The following RCOR1 variants were observed in gnomAD, a reference collection of about 807,000 sequenced individuals.
RCOR1 encodes REST corepressor.
RCOR1 carries 12 observed loss-of-function variants against 64.0 expected under a neutral mutation model. The observed-to-expected ratio is 0.19, with a 90% confidence interval of 0.12 to 0.30. The LOEUF (loss-of-function observed/expected upper bound fraction) is 0.30, where lower values mean the gene tolerates loss of function less well. Ranked by LOEUF, RCOR1 falls within the 10% of genes least tolerant of loss-of-function variation. RCOR1 has a pLI of 1.00. For missense variants in RCOR1, 502 were observed against 621.2 expected (o/e 0.81, Z 2.04); for synonymous variants, 279 against 227.2 (o/e 1.23, Z -2.05).
rs539304435 is a variant in RCOR1 at position 102,598,471 on chromosome 14, G to A, written c.361+5146G>A. ...TCTTTTTTTTTTTTTTTTTTGAGAC[G>A]GTGTCTCGCTCTGTTGTCCAGGCTG... On this transcript the variant is annotated intron_variant, in intron 2 of 11. Transcript: ENST00000262241. Among the ~76,000 whole-genome samples the A allele has an allele frequency of 7.7e-4, 102 of 133,270 alleles. 1 individual carries two copies. Among genetic ancestry groups the A allele is most frequent in the African/African-American group, 1.9e-3 (66 of 35,554 alleles). The allele number at this position is 133,270 out of a possible 152,430, so 87.4% of individuals were successfully genotyped here. A position where few individuals can be genotyped will look rare whatever the true frequency, so the allele number is the denominator to read the frequency against.
Position 102,593,029 on chromosome 14 carries a change from G to GCGCCGCCGCCTCCTCAGCCTCGGC in RCOR1, c.156_179dup (p.Ser53_Ser60dup), listed in dbSNP as rs1316557262. ...TCGCCAGCCGCCACTGCCGCCTCGG[G>GCGCCGCCGCCTCCTCAGCCTCGGC]CGCCGCCGCCTCCTCAGCCTCGGCC... On this transcript the variant is annotated inframe_insertion, in exon 1 of 12. Transcript: ENST00000262241. 1.6e-5 allele frequency: 20 copies of GCGCCGCCGCCTCCTCAGCCTCGGC among 1,262,786 alleles called. No homozygotes were observed. Among genetic ancestry groups the GCGCCGCCGCCTCCTCAGCCTCGGC allele is most frequent in the East Asian group, 3.4e-5 (1 of 29,346 alleles). 78.2% of individuals were successfully genotyped at this position (1,262,786 alleles called of 1,614,324 possible).
intron 4 of RCOR1, among the ~76,000 whole-genome samples, chr14:102,704,958 C>T (rs941570327): frequency 3.3e-5 from 5 of 151,498 alleles, no homozygotes; most frequent in Admixed American, 3.3e-4. Context: ...CACCTCATCT[C>T]TAAAAAAAAG....
rs1470928073 is a variant in RCOR1 at position 102,722,936 on chromosome 14, C to G, written c.1419+520C>G. Among the ~76,000 whole-genome samples the G allele has an allele frequency of 2.0e-5, 3 of 152,190 alleles. No individual in the cohort carries two copies. In the East Asian group the frequency reaches 5.8e-4, roughly 29 times the overall value. ...GGCTTAAGTATTGATGGGGACAGTT[C>G]TGTGGCTGGCTGGAACTTCTGTGAT... On this transcript the variant is annotated intron_variant, in intron 11 of 11. Coordinates refer to ENST00000262241, the MANE Select transcript of RCOR1 (RefSeq NM_015156.4).
At chr14:102,622,635 C>T (rs901230922) in intron 2 of RCOR1, among the ~76,000 whole-genome samples, 1 of 151,928 alleles carries the variant, frequency 6.6e-6, no homozygotes, top group Non-Finnish European at 1.5e-5. Flanking sequence ...CTGTGATTTC[C>T]GCCCCCCGCC....
intron 2 of RCOR1, chr14:102,657,290 C>CTA: frequency 1.0e-6 from 1 of 985,218 alleles, no homozygotes; most frequent in Non-Finnish European, 1.2e-6. Flanking sequence ...TTGGTGAGTC[C>CTA]TTTTAGGCGA....
chr14:102,672,402 C>G (rs374016375), intron 2 of RCOR1, among the ~76,000 whole-genome samples: 1 of 151,824 alleles, frequency 6.6e-6, no homozygotes. Flanking sequence ...TTAGTAGAGA[C>G]GGGGTTTCAC....
intron 4 of RCOR1, among the ~76,000 whole-genome samples, chr14:102,704,305 C>T (rs1895806703): frequency 6.6e-6 from 1 of 152,240 alleles, no homozygotes; most frequent in South Asian, 2.1e-4. Context: ...ACAACGATTT[C>T]CTCCCTGATC....
intron 2 of RCOR1, among the ~76,000 whole-genome samples, chr14:102,644,129 G>C (rs990468035): frequency 6.6e-6 from 1 of 152,198 alleles, no homozygotes; most frequent in East Asian, 1.9e-4. Context: ...TGCTGAAGTG[G>C]CCTTGGCTGG....
chr14:102,703,609 C>T (rs918995420), intron 4 of RCOR1, among the ~76,000 whole-genome samples: 2 of 152,172 alleles, frequency 1.3e-5, no homozygotes, highest in Admixed American at 1.3e-4. Flanking sequence ...TGAGAAAATT[C>T]TTTCAAAAGT....
At chr14:102,635,396 C>T (rs188597548) in intron 2 of RCOR1, among the ~76,000 whole-genome samples, 32 of 152,048 alleles carry the variant, frequency 2.1e-4, no homozygotes, top group Middle Eastern at 3.4e-3. Context: ...CCCAGCTACT[C>T]GGGAGGCTGA....
chr14:102,670,459 C>T (rs1000198962), intron 2 of RCOR1, among the ~76,000 whole-genome samples: 3 of 151,888 alleles, frequency 2.0e-5, no homozygotes, highest in Admixed American at 6.6e-5. Flanking sequence ...ATGAAGGTAA[C>T]GGTACTATGA....
intron 8 of RCOR1, among the ~76,000 whole-genome samples, chr14:102,717,289 C>A (rs1595244493): frequency 6.6e-6 from 1 of 152,166 alleles, no homozygotes; most frequent in Non-Finnish European, 1.5e-5. Flanking sequence ...TTTGATTTAT[C>A]TTGATGGTTC....
chr14:102,669,374 C>G (rs1172007359), intron 2 of RCOR1, among the ~76,000 whole-genome samples: 1 of 151,952 alleles, frequency 6.6e-6, no homozygotes, highest in Non-Finnish European at 1.5e-5. Flanking sequence ...TTCTGACTTC[C>G]TCATTTTATA....
intron 3 of RCOR1, among the ~76,000 whole-genome samples, chr14:102,684,890 A>G (rs1446064001): frequency 6.6e-6 from 1 of 152,180 alleles, no homozygotes; most frequent in Non-Finnish European, 1.5e-5. Flanking sequence ...ATATGTCAGT[A>G]TGTTTAACAA....
chr14:102,666,652 T>C (rs965588878), intron 2 of RCOR1, among the ~76,000 whole-genome samples: 9 of 152,336 alleles, frequency 5.9e-5, no homozygotes, highest in African/African-American at 2.2e-4. Context: ...GTTTTAGTTT[T>C]AAGAAGTACT....
intron 2 of RCOR1, among the ~76,000 whole-genome samples, chr14:102,642,028 C>T (rs1350335680): frequency 2.0e-5 from 3 of 152,228 alleles, no homozygotes; most frequent in East Asian, 1.9e-4. Context: ...TAGTACCTCT[C>T]GTGATTTGAT....
intron 2 of RCOR1, among the ~76,000 whole-genome samples, chr14:102,661,460 A>C (rs114938176): frequency 6.6e-6 from 1 of 152,226 alleles, no homozygotes; most frequent in South Asian, 2.1e-4. Context: ...ATCCTCTTTC[A>C]TGAAACTACA....
At chr14:102,606,920 T>G (rs1021031363) in intron 2 of RCOR1, among the ~76,000 whole-genome samples, 1 of 145,090 alleles carries the variant, frequency 6.9e-6, no homozygotes, top group Admixed American at 7.7e-5. Context: ...TTGATTTTTT[T>G]GGGTTTTGTG....
intron 2 of RCOR1, among the ~76,000 whole-genome samples, chr14:102,632,736 TCCCCTCCC>T (rs1894149902): frequency 2.9e-4 from 1 of 3,452 alleles, no homozygotes; most frequent in Non-Finnish European, 8.8e-4. Flanking sequence ...TCTTCTCCCC[TCCCCTCCC>T]CTCCCCTCCC....
Sources: gnomAD v4.1 joint callset for allele counts (sites outside exome capture counted in the v4.1 genomes callset) on GRCh38, gnomAD v4.1.1 for gene constraint, MANE v1.5 for transcripts, NCBI Gene and HGNC (gene_info 2026-07-23, HGNC 2026-07-21) for gene names.